The following ATP9B variants were observed in gnomAD, a reference collection of about 807,000 sequenced individuals.
ATP9B encodes the protein ATPase phospholipid transporting 9B, also known as probable phospholipid-transporting ATPase IIB.
A neutral mutation model predicts 146.1 loss-of-function variants in ATP9B; 110 were observed. The ratio of observed to expected loss-of-function variants is 0.75; its 90% CI spans 0.65 to 0.88. The LOEUF (loss-of-function observed/expected upper bound fraction) is 0.88, where lower values mean the gene tolerates loss of function less well. ATP9B is among the 40% of genes least tolerant of loss of function. The pLI is 0.00. For missense variants in ATP9B, 1,499 were observed against 1,496.4 expected, an observed-to-expected ratio of 1.00 and a Z score of -0.03; for synonymous variants, 604 against 569.7, an observed-to-expected ratio of 1.06 and a Z score of -0.86.
At chr18:79,242,765 T>C (rs1033396694) in intron 11 of ATP9B, among the ~76,000 whole-genome samples, 12 of 152,248 alleles carry the variant, frequency 7.9e-5, no homozygotes, top group Non-Finnish European at 1.6e-4. Flanking sequence ...TTACAAGCCA[T>C]TAAGTATGAA....
chr18:79,136,894 A>G (rs2094453951), intron 5 of ATP9B, among the ~76,000 whole-genome samples: 1 of 152,212 alleles, frequency 6.6e-6, no homozygotes, highest in South Asian at 2.1e-4. Flanking sequence ...GGTGGCAGCA[A>G]GGAGAAGTGC....
intron 8 of ATP9B, among the ~76,000 whole-genome samples, chr18:79,192,503 GGC>G (rs2095377271): frequency 6.6e-6 from 1 of 152,200 alleles, no homozygotes; most frequent in South Asian, 2.1e-4. Flanking sequence ...TTGGAGACCA[GGC>G]TCAGCCTTGC....
intron 13 of ATP9B, among the ~76,000 whole-genome samples, chr18:79,299,161 G>A (rs533450825): frequency 2.2e-4 from 33 of 150,230 alleles, no homozygotes; most frequent in Middle Eastern, 3.4e-3. Flanking sequence ...TAATGCCTCA[G>A]TTAACTCTGT....
chr18:79,096,756 T>C, intron 2 of ATP9B, 107 bp downstream of exon 2: 2 of 892,972 alleles, frequency 2.2e-6, no homozygotes, highest in Non-Finnish European at 3.3e-6. Flanking sequence ...AAGGAGATAT[T>C]CCTTAAATGA....
rs544878466 is a variant in ATP9B, at chr18:79,191,632, A to G, written c.874-1551A>G. Among the ~76,000 whole-genome samples, 5 of 152,174 alleles carry G rather than the reference A, an allele frequency of 3.3e-5. No homozygotes were observed. In the East Asian group the frequency reaches 5.8e-4, roughly 18 times the overall value. On this transcript the variant is annotated intron_variant, in intron 8 of 29. Coordinates refer to ENST00000426216, the MANE Select transcript of ATP9B (RefSeq NM_198531.5). ...TTATTGCAGACATTGCATTTTTTCA[A>G]TTTTGGAATTTCCATGTGCTTCTCT...
At chr18:79,170,755 T>C (rs943343190) in intron 7 of ATP9B, among the ~76,000 whole-genome samples, 6 of 152,200 alleles carry the variant, frequency 3.9e-5, no homozygotes, top group Non-Finnish European at 8.8e-5. Context: ...CATGTCAGAT[T>C]AGTTCGTCTG....
chr18:79,372,797 T>C, intron 26 of ATP9B, 28 bp from the exon 27 acceptor site: 2 of 1,541,116 alleles, frequency 1.3e-6, no homozygotes, highest in South Asian at 2.2e-5. Flanking sequence ...TTCTGCGCAC[T>C]AACGACGCTC....
At chr18:79,240,403 A>C (rs1428681561) in intron 11 of ATP9B, among the ~76,000 whole-genome samples, 1 of 152,272 alleles carries the variant, frequency 6.6e-6, no homozygotes, top group Non-Finnish European at 1.5e-5. Context: ...TTTGATAAAG[A>C]AAATTCAACC....
At chr18:79,266,954 A>G (rs1435633342) in intron 12 of ATP9B, among the ~76,000 whole-genome samples, 1 of 152,022 alleles carries the variant, frequency 6.6e-6, no homozygotes, top group Non-Finnish European at 1.5e-5. Flanking sequence ...GGATTATGCT[A>G]GTCTCATAAA....
intron 26 of ATP9B, among the ~76,000 whole-genome samples, chr18:79,364,484 G>C (rs1033335194): frequency 6.6e-6 from 1 of 152,068 alleles, no homozygotes; most frequent in Non-Finnish European, 1.5e-5. Context: ...AAGGAGAAGA[G>C]TTGTGTCTGC....
chr18:79,348,084 G>T, intron 24 of ATP9B, 48 bp from the exon 25 acceptor site: 1 of 1,610,256 alleles, frequency 6.2e-7, no homozygotes, highest in Non-Finnish European at 8.5e-7. Context: ...GGGGCCACAG[G>T]TGCTCGTGGA....
chr18:79,078,785 A>T (rs1445329898), intron 1 of ATP9B, among the ~76,000 whole-genome samples: 3 of 151,742 alleles, frequency 2.0e-5, no homozygotes, highest in Non-Finnish European at 2.9e-5. Context: ...TACATTAGGT[A>T]TTTCTCCTAA....
chr18:79,196,912 G>T (rs1209017416), intron 9 of ATP9B, among the ~76,000 whole-genome samples: 2 of 152,178 alleles, frequency 1.3e-5, no homozygotes, highest in Non-Finnish European at 2.9e-5. Flanking sequence ...ACATCTACCT[G>T]CAGTTCCCAG....
intron 12 of ATP9B, among the ~76,000 whole-genome samples, chr18:79,276,368 A>G (rs536782704): frequency 6.6e-6 from 1 of 152,386 alleles, no homozygotes; most frequent in African/African-American, 2.4e-5. Context: ...ACGGACTTAA[A>G]TTATGAAATT....
intron 1 of ATP9B, among the ~76,000 whole-genome samples, chr18:79,076,283 A>G (rs147911284): frequency 2.0e-5 from 3 of 152,166 alleles, no homozygotes; most frequent in Non-Finnish European, 1.5e-5. Flanking sequence ...ATAGTCCACA[A>G]TTTCTTATTT....
At chr18:79,124,453 A>G (rs1421957904) in intron 4 of ATP9B, among the ~76,000 whole-genome samples, 3 of 152,266 alleles carry the variant, frequency 2.0e-5, no homozygotes, top group Non-Finnish European at 2.9e-5. Context: ...CATGGCAAAT[A>G]CATGGCACAT....
At chr18:79,264,132 G>C (rs1480201295) in intron 12 of ATP9B, among the ~76,000 whole-genome samples, 1 of 152,088 alleles carries the variant, frequency 6.6e-6, no homozygotes, top group African/African-American at 2.4e-5. Context: ...AGCACTACTT[G>C]GCTGTGTTAT....
At chr18:79,121,725 A>T (rs1434384861) in intron 4 of ATP9B, among the ~76,000 whole-genome samples, 1 of 152,200 alleles carries the variant, frequency 6.6e-6, no homozygotes, top group Admixed American at 6.5e-5. Context: ...CACATGTGTT[A>T]CTTATTCAGA....
intron 2 of ATP9B, among the ~76,000 whole-genome samples, chr18:79,104,136 G>C (rs1272997022): frequency 6.6e-6 from 1 of 152,186 alleles, no homozygotes; most frequent in Non-Finnish European, 1.5e-5. Context: ...AGAAGACCCT[G>C]ATTTGCTGTC....
Sources: gnomAD v4.1 joint callset for allele counts (sites outside exome capture counted in the v4.1 genomes callset) on GRCh38, gnomAD v4.1.1 for gene constraint, MANE v1.5 for transcripts, NCBI Gene and HGNC (gene_info 2026-07-23, HGNC 2026-07-21) for gene names.